The following GNG12 variants were observed in gnomAD, a reference collection of about 807,000 sequenced individuals.
GNG12 encodes the protein G protein subunit gamma 12, also known as guanine nucleotide-binding protein G(I)/G(S)/G(O) subunit gamma-12.
For missense variants in GNG12, 69 were observed against 83.8 expected (o/e 0.82, Z 0.69); for synonymous variants, 28 against 29.7 (o/e 0.94, Z 0.19).
chr1:67,804,293 C>T (rs978984618), intron 1 of GNG12, among the ~76,000 whole-genome samples: 1 of 152,170 alleles, frequency 6.6e-6, no homozygotes, highest in East Asian at 1.9e-4. Context: ...GAAAAGGCAA[C>T]CAAAGTGCTT....
chr1:67,781,345 GA>G (rs1388591719), intron 1 of GNG12, among the ~76,000 whole-genome samples: 1 of 152,150 alleles, frequency 6.6e-6, no homozygotes, highest in Non-Finnish European at 1.5e-5. Flanking sequence ...TACATGATAA[GA>G]AATAATGACA....
At chr1:67,777,215 T>C (rs1646711032) in intron 2 of GNG12, 1 of 152,236 alleles carries the variant, frequency 6.6e-6, no homozygotes. Flanking sequence ...AAAAAGTTTT[T>C]ATTTTAGTAG....
intron 1 of GNG12, among the ~76,000 whole-genome samples, chr1:67,818,083 G>T (rs974381716): frequency 2.0e-5 from 3 of 151,856 alleles, no homozygotes; most frequent in African/African-American, 7.3e-5. Flanking sequence ...CACTGCACCT[G>T]GTCAATAAAT....
At chr1:67,712,293 G>A (rs1480890529) in intron 2 of GNG12, among the ~76,000 whole-genome samples, 1 of 152,214 alleles carries the variant, frequency 6.6e-6, no homozygotes, top group Admixed American at 6.5e-5. Flanking sequence ...TGGAACCTGT[G>A]AGCACACATG....
chr1:67,708,519 G>A (rs1274236778), intron 2 of GNG12, among the ~76,000 whole-genome samples: 1 of 152,218 alleles, frequency 6.6e-6, no homozygotes, highest in Non-Finnish European at 1.5e-5. Flanking sequence ...AGCCTGAGCT[G>A]TTGGCCTCTA....
chr1:67,810,218 C>T (rs1446491050), intron 1 of GNG12, among the ~76,000 whole-genome samples: 1 of 152,134 alleles, frequency 6.6e-6, no homozygotes, highest in Non-Finnish European at 1.5e-5. Flanking sequence ...ACTATGGAGA[C>T]AGTGAAAATA....
intron 1 of GNG12, among the ~76,000 whole-genome samples, chr1:67,832,786 T>G (rs1282177785): frequency 1.3e-5 from 2 of 151,706 alleles, no homozygotes; most frequent in Non-Finnish European, 2.9e-5. Flanking sequence ...CCCAGCGGAT[T>G]CCAAGGCTGC....
chr1:67,716,305 T>G (rs1646324998), intron 2 of GNG12, among the ~76,000 whole-genome samples: 1 of 152,180 alleles, frequency 6.6e-6, no homozygotes, highest in African/African-American at 2.4e-5. Flanking sequence ...CCTTTTGAGG[T>G]CCCTATCTGG....
chr1:67,790,807 G>A (rs867076438), intron 1 of GNG12, among the ~76,000 whole-genome samples: 3 of 152,044 alleles, frequency 2.0e-5, no homozygotes, highest in Non-Finnish European at 2.9e-5. Context: ...GTAGAGACAA[G>A]GTTTCACCAT....
intron 2 of GNG12, among the ~76,000 whole-genome samples, chr1:67,712,622 GGTT>G (rs1646302015): frequency 6.6e-6 from 1 of 152,108 alleles, no homozygotes; most frequent in Admixed American, 6.5e-5. Context: ...GAGCCCAGGA[GGTT>G]GAGGCTGCAG....
chr1:67,744,498 C>A (rs554325759), intron 2 of GNG12, among the ~76,000 whole-genome samples: 1 of 152,114 alleles, frequency 6.6e-6, no homozygotes, highest in Non-Finnish European at 1.5e-5. Flanking sequence ...TTCAGATATA[C>A]GAAGAACATT....
chr1:67,831,235 T>TA (rs1337403039), intron 1 of GNG12, among the ~76,000 whole-genome samples: 3 of 152,000 alleles, frequency 2.0e-5, no homozygotes, highest in Non-Finnish European at 4.4e-5. Flanking sequence ...ATTCTAATTT[T>TA]AAAAAAAACT....
chr1:67,762,949 T>C (rs1292939109), intron 2 of GNG12, among the ~76,000 whole-genome samples: 1 of 152,188 alleles, frequency 6.6e-6, no homozygotes, highest in Non-Finnish European at 1.5e-5. Flanking sequence ...CATTTCCCTA[T>C]GTGATTATAA....
chr1:67,787,589 G>A (rs1239847967), intron 1 of GNG12, among the ~76,000 whole-genome samples: 1 of 152,148 alleles, frequency 6.6e-6, no homozygotes, highest in Non-Finnish European at 1.5e-5. Context: ...GGACAGCCAA[G>A]GCCCTTTTAG....
At chr1:67,719,213 GTCT>G (rs2100686029) in intron 2 of GNG12, among the ~76,000 whole-genome samples, 1 of 152,276 alleles carries the variant, frequency 6.6e-6, no homozygotes, top group South Asian at 2.1e-4. Flanking sequence ...CCAATTCTCT[GTCT>G]TCTTCTCTTG....
At chr1:67,752,098 C>T (rs1367733479) in intron 2 of GNG12, among the ~76,000 whole-genome samples, 1 of 152,234 alleles carries the variant, frequency 6.6e-6, no homozygotes, top group African/African-American at 2.4e-5. Context: ...ATTGATTACG[C>T]TGACCCTTTA....
At chr1:67,766,097 G>GGCAC (rs1553157542) in intron 2 of GNG12, among the ~76,000 whole-genome samples, 1 of 109,744 alleles carries the variant, frequency 9.1e-6, no homozygotes, top group Non-Finnish European at 1.9e-5. Context: ...AACAAAACAA[G>GGCAC]GCACACACGC....
chr1:67,761,077 T>C (rs1018931495), intron 2 of GNG12, among the ~76,000 whole-genome samples: 1 of 152,208 alleles, frequency 6.6e-6, no homozygotes, highest in African/African-American at 2.4e-5. Context: ...GGAAGATTTC[T>C]AAGACCTCTT....
chr1:67,778,948 G>A (rs1342038647), intron 1 of GNG12, among the ~76,000 whole-genome samples: 1 of 152,208 alleles, frequency 6.6e-6, no homozygotes. Context: ...TGGGATCCGA[G>A]CACAAAAACC....
Sources: allele counts gnomAD v4.1 joint callset (sites outside exome capture counted in the v4.1 genomes callset), GRCh38; gene constraint gnomAD v4.1.1; transcripts MANE v1.5; gene names NCBI Gene and HGNC (gene_info 2026-07-23, HGNC 2026-07-21).